Variants in ANKRD28 observed in about 807,000 individuals in gnomAD.
ANKRD28 encodes ankyrin repeat domain 28.
A neutral mutation model predicts 126.5 loss-of-function variants in ANKRD28; 44 were observed. That is an observed-to-expected ratio of 0.35 (90% CI 0.27 to 0.45). The LOEUF (loss-of-function observed/expected upper bound fraction) is 0.45, where lower values mean the gene tolerates loss of function less well. ANKRD28 is among the 20% of genes least tolerant of loss of function. ANKRD28 has a pLI of 1.00. For synonymous variants in ANKRD28, 442 were observed against 468.5 expected, an observed-to-expected ratio of 0.94 and a Z score of 0.73; for missense variants, 1,110 against 1,316.6, an observed-to-expected ratio of 0.84 and a Z score of 2.43.
At chr3:15,743,370 AC>A (rs1321287491) in intron 4 of ANKRD28, among the ~76,000 whole-genome samples, 58 of 151,552 alleles carry the variant, frequency 3.8e-4, no homozygotes, top group African/African-American at 1.2e-3. Context: ...AAACAAACAA[AC>A]AAACAAAAAA....
intron 1 of ANKRD28, among the ~76,000 whole-genome samples, chr3:15,805,679 T>G (rs147889180): frequency 6.6e-6 from 1 of 152,344 alleles, no homozygotes; most frequent in South Asian, 2.1e-4. Context: ...GGAAAGATTA[T>G]GTGCAATTCA....
chr3:15,697,965 GTGTATA>G lies in ANKRD28; in HGVS notation c.1548-1726_1548-1721del, dbSNP rs1443616737. 2.0e-5 allele frequency among the ~76,000 whole-genome samples: 3 copies of G among 152,048 alleles called. No individual in the cohort carries two copies. The East Asian group carries it at 5.8e-4, about 29-fold the overall frequency. Reference sequence around the variant, plus strand: ...TTCTTCCTGGTTTAGTCTTGGGAGGGTGTATATGTCCAAGAATTTATCCCTTTCTTC... The same window carrying G: ...TTCTTCCTGGTTTAGTCTTGGGAGGGTGTCCAAGAATTTATCCCTTTCTTC... On this transcript the variant is annotated intron_variant, in intron 14 of 27. Transcript: ENST00000683139.
intron 4 of ANKRD28, among the ~76,000 whole-genome samples, chr3:15,744,455 G>A (rs73147552): frequency 1.3e-3 from 191 of 150,704 alleles, no homozygotes; most frequent in South Asian, 2.1e-3. Flanking sequence ...AACTACAGGC[G>A]GGCACCACCA....
At chr3:15,757,843 A>G (rs1414343900) in intron 3 of ANKRD28, among the ~76,000 whole-genome samples, 1 of 152,188 alleles carries the variant, frequency 6.6e-6, no homozygotes, top group Non-Finnish European at 1.5e-5. Context: ...GGGGTCTTCA[A>G]ACTACTATCC....
intron 6 of ANKRD28, among the ~76,000 whole-genome samples, chr3:15,734,230 T>C (rs1297740324): frequency 6.6e-6 from 1 of 152,218 alleles, no homozygotes; most frequent in African/African-American, 2.4e-5. Context: ...TCCACATATA[T>C]GAGGGATGGA....
At chr3:15,770,413 C>CATATAT (rs56802776) in intron 2 of ANKRD28, among the ~76,000 whole-genome samples, 119 of 147,132 alleles carry the variant, frequency 8.1e-4, no homozygotes, top group African/African-American at 2.8e-3. Flanking sequence ...CATATATATA[C>CATATAT]ATATATATAT....
intron 4 of ANKRD28, among the ~76,000 whole-genome samples, chr3:15,749,401 C>T (rs1022555045): frequency 6.6e-5 from 10 of 152,074 alleles, no homozygotes; most frequent in Non-Finnish European, 1.2e-4. Flanking sequence ...CGTGAGCCAC[C>T]GCGCCCGGCC....
chr3:15,735,530 T>C, intron 5 of ANKRD28, 33 bp from the exon 6 acceptor site: 1 of 1,466,316 alleles, frequency 6.8e-7, no homozygotes, highest in Admixed American at 2.1e-5. Context: ...GTCATCAAAA[T>C]TGTGAAGCAC....
intron 14 of ANKRD28, among the ~76,000 whole-genome samples, chr3:15,706,327 G>T (rs1267636786): frequency 6.6e-6 from 1 of 151,916 alleles, no homozygotes; most frequent in South Asian, 2.1e-4. Context: ...ACCTATGAGT[G>T]AGAACATGTG....
intron 17 of ANKRD28, among the ~76,000 whole-genome samples, chr3:15,691,792 T>A (rs1303726355): frequency 6.6e-6 from 1 of 152,176 alleles, no homozygotes; most frequent in Non-Finnish European, 1.5e-5. Flanking sequence ...ACTGAAAGAA[T>A]GAACTCTGAG....
chr3:15,798,893 A>C (rs2060390245), upstream of ANKRD28, among the ~76,000 whole-genome samples: 1 of 152,122 alleles, frequency 6.6e-6, no homozygotes, highest in Non-Finnish European at 1.5e-5. Context: ...TTTTATTAAT[A>C]AACAATAATA....
intron 1 of ANKRD28, among the ~76,000 whole-genome samples, chr3:15,820,531 A>G (rs1013428747): frequency 6.6e-6 from 1 of 152,216 alleles, no homozygotes; most frequent in African/African-American, 2.4e-5. Flanking sequence ...TAGTAGAGAA[A>G]GAGACTTAGG....
In ANKRD28 at chr3:15,729,469, C is replaced by T. The variant is rs1030562059; in HGVS notation, c.641-4945G>A. On this transcript the variant is annotated intron_variant, in intron 6 of 27. Transcript: ENST00000683139. ...GTTTCGTAAACGGAATCATTAATTA[C>T]TAACTCTTTAATTACTTTTTGTGCA... Among the ~76,000 whole-genome samples the T allele has an allele frequency of 2.0e-5, 3 of 152,200 alleles. No homozygotes were observed. In the South Asian group the frequency reaches 6.2e-4, roughly 32 times the overall value.
At chr3:15,713,339 T>C (rs2072577742) in intron 10 of ANKRD28, among the ~76,000 whole-genome samples, 188 bp downstream of exon 10, 1 of 152,200 alleles carries the variant, frequency 6.6e-6, no homozygotes, top group East Asian at 1.9e-4. Flanking sequence ...AAAAATACAC[T>C]GGCTTACCAA....
chr3:15,691,751 T>C (rs1210803978), intron 17 of ANKRD28, among the ~76,000 whole-genome samples: 1 of 152,150 alleles, frequency 6.6e-6, no homozygotes, highest in East Asian at 1.9e-4. Flanking sequence ...CTAACTTTGT[T>C]CCTCAATACT....
chr3:15,735,119 G>A (rs982822852), intron 6 of ANKRD28, among the ~76,000 whole-genome samples: 1 of 152,140 alleles, frequency 6.6e-6, no homozygotes, highest in Non-Finnish European at 1.5e-5. Flanking sequence ...ATGGGTATAA[G>A]AATGGGCTTT....
rs1375184547 is a variant in ANKRD28 at position 15,839,207 on chromosome 3, T to C, written c.27+20170A>G. ...TGAGTGCAAAATTCTTTAAATTTACTGAAAACAAATTGCACTCAAGACATT... is the reference window on the plus strand; with the variant it reads ...TGAGTGCAAAATTCTTTAAATTTACCGAAAACAAATTGCACTCAAGACATT... On this transcript the variant is annotated intron_variant, in intron 1 of 27. Transcript: ENST00000399451. The surrounding 1 kb of genome is among the most constrained non-coding windows in gnomAD (Gnocchi z 4.3). Among the ~76,000 whole-genome samples the C allele has an allele frequency of 6.6e-6, 1 of 152,112 alleles. No homozygotes were observed. Among genetic ancestry groups the C allele is most frequent in the Non-Finnish European group, 1.5e-5 (1 of 68,016 alleles).
In ANKRD28 at chr3:15,669,564, T is replaced by G. The variant is rs1169511677; in HGVS notation, c.*706A>C. 9.2e-5 allele frequency: 14 copies of G among 152,010 alleles called. No individual in the cohort carries two copies. The allele number at this position is 152,010 out of a possible 1,614,324, so 9.4% of individuals were successfully genotyped here. Reference sequence around the variant, plus strand: ...CCAGTCAGCTGGTTTTTAATTCTAATAGTATAAAAATTGGAAATTTGAAAT... The same window carrying G: ...CCAGTCAGCTGGTTTTTAATTCTAAGAGTATAAAAATTGGAAATTTGAAAT... On this transcript the variant is annotated 3_prime_UTR_variant, in exon 28 of 28. Transcript: ENST00000683139.
chr3:15,743,379 A>G (rs186380121), intron 4 of ANKRD28, among the ~76,000 whole-genome samples: 1 of 148,730 alleles, frequency 6.7e-6, no homozygotes, highest in African/African-American at 2.4e-5. Flanking sequence ...AACAAACAAA[A>G]AAAAACAAAA....
Sources: allele counts gnomAD v4.1 joint callset (sites outside exome capture counted in the v4.1 genomes callset), GRCh38; gene constraint gnomAD v4.1.1; non-coding constraint Gnocchi (gnomAD v3.1); transcripts MANE v1.5; gene names NCBI Gene and HGNC (gene_info 2026-07-23, HGNC 2026-07-21).